Variants in CADM2 observed in about 807,000 individuals in gnomAD.
The protein encoded by CADM2 is immunoglobulin superfamily member 4D.
A neutral mutation model predicts 49.8 loss-of-function variants in CADM2; 12 were observed. That is an observed-to-expected ratio of 0.24 (90% CI 0.15 to 0.39). CADM2 has a LOEUF of 0.39. Ranked by LOEUF, CADM2 falls within the 10% of genes least tolerant of loss-of-function variation. The pLI is 1.00. For synonymous variants in CADM2, 214 were observed against 175.4 expected, an observed-to-expected ratio of 1.22 and a Z score of -1.74; for missense variants, 378 against 492.3, an observed-to-expected ratio of 0.77 and a Z score of 2.20.
intron 1 of CADM2, among the ~76,000 whole-genome samples, chr3:85,558,152 T>G (rs1231954261): frequency 6.6e-6 from 1 of 151,938 alleles, no homozygotes; most frequent in African/African-American, 2.4e-5. Context: ...TATGTTCTCT[T>G]TGTTTCTCAA....
At chr3:85,824,993 G>A (rs755544467) in intron 3 of CADM2, among the ~76,000 whole-genome samples, 11 of 151,966 alleles carry the variant, frequency 7.2e-5, no homozygotes, top group Non-Finnish European at 1.3e-4. Context: ...GAAGGACTTC[G>A]GGTGGAGGAG....
intron 1 of CADM2, among the ~76,000 whole-genome samples, chr3:85,561,134 C>G (rs1469085845): frequency 6.6e-6 from 1 of 152,126 alleles, no homozygotes; most frequent in African/African-American, 2.4e-5. Context: ...TTTGCAATTT[C>G]CTTTTTCACT....
chr3:85,386,678 G>T lies in CADM2; in HGVS notation c.62-339844G>T, dbSNP rs114325994. ...ACTAGAGACTGAAATACTTACCAGGGTTGGAAGGATAATTAAAAGAGACAA... is the reference window on the plus strand; with the variant it reads ...ACTAGAGACTGAAATACTTACCAGGTTTGGAAGGATAATTAAAAGAGACAA... On this transcript the variant is annotated intron_variant, in intron 1 of 9. Coordinates refer to ENST00000383699, the MANE Select transcript of CADM2 (RefSeq NM_001167675.2). Among the ~76,000 whole-genome samples the T allele has an allele frequency of 5.1e-3, 772 of 152,228 alleles. 3 individuals carry two copies. Among genetic ancestry groups the T allele is most frequent in the Middle Eastern group, 0.01 (3 of 294 alleles).
intron 8 of CADM2, among the ~76,000 whole-genome samples, chr3:85,976,827 T>C (rs892942086): frequency 2.6e-5 from 4 of 151,546 alleles, no homozygotes; most frequent in African/African-American, 9.7e-5. Context: ...AAATAATAAT[T>C]TGTAATGTTA....
At chr3:85,139,667 G>A (rs971412804) in intron 1 of CADM2, among the ~76,000 whole-genome samples, 3 of 152,036 alleles carry the variant, frequency 2.0e-5, no homozygotes, top group East Asian at 3.9e-4. Context: ...ATGAAAAAAA[G>A]CCATGTAATA....
chr3:85,733,296 C>G (rs933185185), intron 2 of CADM2, among the ~76,000 whole-genome samples: 7 of 152,160 alleles, frequency 4.6e-5, no homozygotes, highest in Admixed American at 3.9e-4. Flanking sequence ...AAGGAGTGTG[C>G]TCATAAAAAT....
chr3:85,563,812 A>G (rs1376971084), intron 1 of CADM2, among the ~76,000 whole-genome samples: 1 of 152,152 alleles, frequency 6.6e-6, no homozygotes, highest in East Asian at 1.9e-4. Flanking sequence ...TGAAAGGACT[A>G]TCATGTGTGT....
At chr3:85,388,434 A>G (rs1023417635) in intron 1 of CADM2, among the ~76,000 whole-genome samples, 5 of 152,308 alleles carry the variant, frequency 3.3e-5, no homozygotes, top group African/African-American at 1.2e-4. Context: ...GTTTATTTTC[A>G]CAATTGTTGA....
intron 2 of CADM2, among the ~76,000 whole-genome samples, chr3:85,735,784 A>G (rs943624104): frequency 6.6e-6 from 1 of 152,168 alleles, no homozygotes; most frequent in Non-Finnish European, 1.5e-5. Context: ...AACTGGAAGG[A>G]CAAAGTTACA....
chr3:85,693,341 G>T (rs537328956), intron 1 of CADM2, among the ~76,000 whole-genome samples: 1 of 151,926 alleles, frequency 6.6e-6, no homozygotes, highest in Non-Finnish European at 1.5e-5. Context: ...AGCACTTTGG[G>T]AGGCCGAGGC....
intron 1 of CADM2, among the ~76,000 whole-genome samples, chr3:85,229,255 T>C (rs1489110820): frequency 6.6e-6 from 1 of 152,142 alleles, no homozygotes; most frequent in Non-Finnish European, 1.5e-5. Flanking sequence ...TCGGTGGCCA[T>C]GGGACCCGCT....
chr3:84,984,356 TAA>T (rs375702349), intron 1 of CADM2, among the ~76,000 whole-genome samples: 1,862 of 66,794 alleles, frequency 0.028, 13 homozygotes, highest in East Asian at 0.2. Flanking sequence ...AAGATTAAGC[TAA>T]AAAAAAAAAA....
chr3:85,652,780 T>TC (rs1459208958), intron 1 of CADM2, among the ~76,000 whole-genome samples: 1 of 122,626 alleles, frequency 8.2e-6, no homozygotes, highest in East Asian at 2.4e-4. Context: ...TTCTTTTTTT[T>TC]TTTTTTTTTT....
intron 1 of CADM2, among the ~76,000 whole-genome samples, chr3:85,035,474 C>A (rs2035175197): frequency 6.6e-6 from 1 of 152,138 alleles, no homozygotes; most frequent in Non-Finnish European, 1.5e-5. Flanking sequence ...GTTGTGGATT[C>A]TTCCTCAAGA....
chr3:85,720,119 C>T (rs80055860), intron 1 of CADM2, among the ~76,000 whole-genome samples: 325 of 152,084 alleles, frequency 2.1e-3, no homozygotes, highest in African/African-American at 7.2e-3. Context: ...TATTTTCTGC[C>T]GTGAAATTTA....
chr3:85,550,624 T>C (rs1304435759), intron 1 of CADM2, among the ~76,000 whole-genome samples: 1 of 152,224 alleles, frequency 6.6e-6, no homozygotes, highest in Non-Finnish European at 1.5e-5. Context: ...TTATTCTTTA[T>C]ATTTCCTAAA....
rs576020508 is a variant in CADM2 at position 85,890,866 on chromosome 3, A to G, written c.529+4539A>G. On this transcript the variant is annotated intron_variant, in intron 5 of 9. Coordinates refer to ENST00000383699, the MANE Select transcript of CADM2 (RefSeq NM_001167675.2). The stretch of plus-strand genomic sequence containing the variant: ...TTGAAGAAATGAATTTCATATATCT[A>G]TGCAGAGTAACAGCATGTGATTGAA... Among the ~76,000 whole-genome samples, 25 of 152,260 alleles carry G rather than the reference A, an allele frequency of 1.6e-4. No individual in the cohort carries two copies. In the South Asian group the frequency reaches 5.0e-3, roughly 30 times the overall value.
intron 8 of CADM2, among the ~76,000 whole-genome samples, chr3:86,004,719 A>G (rs766650246): frequency 1.3e-5 from 2 of 152,162 alleles, no homozygotes; most frequent in Non-Finnish European, 2.9e-5. Context: ...TTTCTTCCTG[A>G]TTCCATTTTT....
intron 1 of CADM2, among the ~76,000 whole-genome samples, chr3:85,047,005 C>T (rs1187973765): frequency 6.6e-6 from 1 of 151,978 alleles, no homozygotes; most frequent in Non-Finnish European, 1.5e-5. Context: ...ATAAAAGGTT[C>T]TGCAGATGTA....
Sources: allele counts gnomAD v4.1 joint callset (sites outside exome capture counted in the v4.1 genomes callset), GRCh38; gene constraint gnomAD v4.1.1; transcripts MANE v1.5; gene names NCBI Gene and HGNC (gene_info 2026-07-23, HGNC 2026-07-21).